The following WWOX variants were observed in gnomAD, a reference collection of about 807,000 sequenced individuals.
WWOX encodes WW domain-containing oxidoreductase.
In WWOX, 69 loss-of-function variants were observed where a neutral mutation model predicts 46.2. That is an observed-to-expected ratio of 1.49 (90% CI 1.23 to 1.82). The LOEUF is 1.82. Ranked by LOEUF, WWOX falls within the 40% of genes most tolerant of loss-of-function variation. The pLI, the probability that WWOX is intolerant of heterozygous loss-of-function variation, is 0.00. For synonymous variants in WWOX, 359 were observed against 202.6 expected, an observed-to-expected ratio of 1.77 and a Z score of -6.56; for missense variants, 919 against 542.6, an observed-to-expected ratio of 1.69 and a Z score of -6.89.
chr16:78,846,424 A>C (rs994479618), intron 8 of WWOX, among the ~76,000 whole-genome samples: 1 of 151,660 alleles, frequency 6.6e-6, no homozygotes, highest in Non-Finnish European at 1.5e-5. Context: ...ACAGTTTCTC[A>C]TGCATTATTT....
rs1433054034 is a variant in WWOX, at chr16:78,553,138, G to C, written c.1056+120386G>C. ...CTGGGGCTTGTGAGGAGTGGGGTTG[G>C]GGGAGGGAGAGCATCAGGAAGAATA... On this transcript the variant is annotated intron_variant, in intron 8 of 8. Coordinates refer to ENST00000566780, the MANE Select transcript of WWOX (RefSeq NM_016373.4). 5 of 152,354 alleles carry C rather than the reference G, an allele frequency of 3.3e-5. 1 individual carries two copies. The Middle Eastern group carries it at 0.01, about 311-fold the overall frequency. 9.4% of individuals were successfully genotyped at this position (152,354 alleles called of 1,614,324 possible).
At chr16:79,156,225 A>G (rs1201493547) in intron 8 of WWOX, among the ~76,000 whole-genome samples, 1 of 152,136 alleles carries the variant, frequency 6.6e-6, no homozygotes, top group Non-Finnish European at 1.5e-5. Context: ...GCAGTGGTAC[A>G]ATTTCAGCTC....
chr16:78,336,069 G>T (rs2080881865), intron 5 of WWOX, among the ~76,000 whole-genome samples: 1 of 151,220 alleles, frequency 6.6e-6, no homozygotes. Flanking sequence ...TCCAACCTGG[G>T]TGACAGAGCC....
intron 5 of WWOX, among the ~76,000 whole-genome samples, chr16:78,234,604 T>C (rs2037377591): frequency 6.6e-6 from 1 of 152,224 alleles, no homozygotes; most frequent in Non-Finnish European, 1.5e-5. Context: ...GAATAAGGTA[T>C]TTTTGAATTT....
intron 8 of WWOX, among the ~76,000 whole-genome samples, chr16:79,009,979 C>T (rs192392640): frequency 2.0e-5 from 3 of 152,286 alleles, no homozygotes; most frequent in African/African-American, 7.2e-5. Flanking sequence ...CTTCTCTGAA[C>T]CTCAGTATCC....
Position 78,923,890 on chromosome 16 carries a change from C to A in WWOX, c.1057-287718C>A, listed in dbSNP as rs187242139. ...TCTCGGTTCACTGCAACCTCCGCCT[C>A]CTGGGTTCATGCCATTCTCCTGCCT... is the stretch of plus-strand genomic sequence containing the variant. On this transcript the variant is annotated intron_variant, in intron 8 of 8. Transcript: ENST00000566780. Among the ~76,000 whole-genome samples, 496 of 149,248 alleles carry A rather than the reference C, an allele frequency of 3.3e-3. 3 individuals carry two copies. Among genetic ancestry groups the A allele is most frequent in the African/African-American group, 0.012 (483 of 40,638 alleles).
At chr16:78,838,904 A>C (rs1239352519) in intron 8 of WWOX, among the ~76,000 whole-genome samples, 1 of 152,076 alleles carries the variant, frequency 6.6e-6, no homozygotes, top group African/African-American at 2.4e-5. Context: ...GGGACTGGAG[A>C]GGAGTGGGGG....
intron 8 of WWOX, among the ~76,000 whole-genome samples, chr16:78,835,441 C>T (rs1368878573): frequency 6.6e-6 from 1 of 152,166 alleles, no homozygotes; most frequent in African/African-American, 2.4e-5. Context: ...TTCAATGTTA[C>T]AAGCGCCCAT....
chr16:78,897,646 G>GTA (rs1363220043), intron 8 of WWOX: 2 of 152,250 alleles, frequency 1.3e-5, no homozygotes, highest in African/African-American at 4.8e-5. Context: ...CATAAATCCT[G>GTA]TATACATGTT....
In WWOX at chr16:78,212,803, A is replaced by G. The variant is rs149538070; in HGVS notation, c.516+48514A>G. ...TCTTGAGAAAGACATGGAACACAGG[A>G]TGGAACTTGAACTGCTTAAAATGGC... is the stretch of plus-strand genomic sequence containing the variant. On this transcript the variant is annotated intron_variant, in intron 5 of 8. Coordinates refer to ENST00000566780, the MANE Select transcript of WWOX (RefSeq NM_016373.4). Among the ~76,000 whole-genome samples, 28 of 152,292 alleles carry G rather than the reference A, an allele frequency of 1.8e-4. No individual in the cohort carries two copies. In the East Asian group the frequency reaches 3.9e-3, roughly 21 times the overall value.
chr16:78,930,676 A>C (rs1430718588), intron 8 of WWOX, among the ~76,000 whole-genome samples: 1 of 150,830 alleles, frequency 6.6e-6, no homozygotes, highest in Non-Finnish European at 1.5e-5. Context: ...AGTTAATCCT[A>C]TTGAGTAAAT....
intron 8 of WWOX, among the ~76,000 whole-genome samples, chr16:78,772,163 TA>T (rs2050079944): frequency 1.3e-5 from 2 of 152,170 alleles, no homozygotes; most frequent in Admixed American, 6.5e-5. Context: ...TTGTATCCAA[TA>T]GTTATTTTTC....
intron 5 of WWOX, among the ~76,000 whole-genome samples, chr16:78,176,864 A>G (rs544338979): frequency 6.6e-6 from 1 of 152,220 alleles, no homozygotes; most frequent in African/African-American, 2.4e-5. Flanking sequence ...GAAGGATAGG[A>G]TGCATTTGCA....
intron 5 of WWOX, among the ~76,000 whole-genome samples, chr16:78,276,424 C>T (rs778097083): frequency 6.6e-6 from 1 of 152,186 alleles, no homozygotes; most frequent in Non-Finnish European, 1.5e-5. Context: ...TTTAATCAGG[C>T]ACTGTGTGTC....
intron 8 of WWOX, among the ~76,000 whole-genome samples, chr16:78,843,910 C>T (rs1185415954): frequency 6.6e-6 from 1 of 152,144 alleles, no homozygotes; most frequent in Non-Finnish European, 1.5e-5. Context: ...CAGCTGTCCA[C>T]TCGGTTCCTA....
intron 5 of WWOX, among the ~76,000 whole-genome samples, chr16:78,326,944 C>A (rs2080636719): frequency 6.6e-6 from 1 of 152,054 alleles, no homozygotes; most frequent in Non-Finnish European, 1.5e-5. Flanking sequence ...GTTTACTTTG[C>A]AAACTGAATT....
intron 5 of WWOX, among the ~76,000 whole-genome samples, chr16:78,310,693 C>T (rs1265977154): frequency 6.6e-6 from 1 of 152,210 alleles, no homozygotes; most frequent in Non-Finnish European, 1.5e-5. Flanking sequence ...CAAAACCTTG[C>T]TCTAGAGATT....
chr16:79,207,326 G>A (rs2051549132), intron 8 of WWOX, among the ~76,000 whole-genome samples: 1 of 152,236 alleles, frequency 6.6e-6, no homozygotes, highest in South Asian at 2.1e-4. Flanking sequence ...GTTTGAAGAG[G>A]TATGTGTCTT....
At chr16:78,626,346 C>G (rs377166101) in intron 8 of WWOX, among the ~76,000 whole-genome samples, 2 of 152,246 alleles carry the variant, frequency 1.3e-5, no homozygotes, top group South Asian at 2.1e-4. Context: ...TCCTTAGCAT[C>G]TTCTTGGCTG....
Sources: allele counts gnomAD v4.1 joint callset (sites outside exome capture counted in the v4.1 genomes callset), GRCh38; gene constraint gnomAD v4.1.1; transcripts MANE v1.5; gene names NCBI Gene and HGNC (gene_info 2026-07-23, HGNC 2026-07-21).